Variants in ADAMTSL2 observed in about 807,000 individuals in gnomAD.
The protein encoded by ADAMTSL2 is ADAMTS-like protein 2.
Under a neutral mutation model 117.0 loss-of-function variants are expected in ADAMTSL2, and 55 were observed. The ratio of observed to expected loss-of-function variants is 0.47; its 90% CI spans 0.38 to 0.59. The LOEUF (loss-of-function observed/expected upper bound fraction) is 0.59. Among genes scored for constraint, ADAMTSL2 ranks in the 20% least tolerant of loss-of-function variants. The pLI, the probability that ADAMTSL2 is intolerant of heterozygous loss-of-function variation, is 0.00. For synonymous variants in ADAMTSL2, 572 were observed against 566.4 expected (o/e 1.01, Z -0.14); for missense variants, 1,182 against 1,354.5 (o/e 0.87, Z 2.00).
chr9:133,555,420 A>T, intron 10 of ADAMTSL2, 138 bp from the exon 11 acceptor site: 1 of 1,074,190 alleles, frequency 9.3e-7, no homozygotes, highest in Non-Finnish European at 1.4e-6. Flanking sequence ...TCCTCTAGTT[A>T]GGCAGAAGCC....
Position 133,575,146 on chromosome 9 carries a change from CCAGCCCCCCAG to C in ADAMTSL2, c.*291_*301del, listed in dbSNP as rs1358573046. The C allele has an allele frequency of 1.0e-5, 5 of 477,170 alleles. No individual in the cohort carries two copies. The highest frequency in any genetic ancestry group is 9.9e-5 in the African/African-American group (5 of 50,388). The allele number at this position is 477,170 out of a possible 1,614,324, so 29.6% of individuals were successfully genotyped here. ...ATCCTGTGTTTGTGGCTCCCACTCC[CCAGCCCCCCAG>C]CAGCCCCCAGCCGAGGGGCCCAGGG... On this transcript the variant is annotated 3_prime_UTR_variant, in exon 19 of 19. Transcript: ENST00000651351.
chr9:133,566,668 A>G (rs1173241248), intron 12 of ADAMTSL2, among the ~76,000 whole-genome samples: 1 of 145,368 alleles, frequency 6.9e-6, no homozygotes, highest in Non-Finnish European at 1.5e-5. Flanking sequence ...CAGCTGGAGC[A>G]GACTCAAAGC....
intron 4 of ADAMTSL2, among the ~76,000 whole-genome samples, chr9:133,539,558 G>T (rs998760715): frequency 7.5e-5 from 9 of 119,826 alleles, no homozygotes; most frequent in Non-Finnish European, 1.6e-4. Context: ...GGCGTGGGGG[G>T]CGGAGCTGCC....
rs1460123750 is a variant in ADAMTSL2 at position 133,555,901 on chromosome 9, C to T, written c.1620C>T (p.Thr540=). ...PFPNVSTSLL[T]SAGNRTHKAR... ...CCAACGTTAGCACCAGCCTGCTCAC[C>T]TCGGCCGGGAACAGGACTCACAAGG... Residue 540 remains threonine, a synonymous_variant, in exon 11 of 19, where the codon ACC becomes ACT. Transcript: ENST00000651351. The T allele has an allele frequency of 3.7e-6, 6 of 1,612,644 alleles. No individual in the cohort carries two copies. The Admixed American group carries it at 1.0e-4, about 27-fold the overall frequency.
rs1830588997 is a variant in ADAMTSL2, at chr9:133,555,649, C to T, written c.1368C>T (p.Asn456=). 17 of 1,613,716 alleles carry T rather than the reference C, an allele frequency of 1.1e-5. No individual in the cohort carries two copies. The highest frequency in any genetic ancestry group is 6.7e-5 in the African/African-American group (5 of 75,064). The change falls in exon 11 of 19, where the codon AAC becomes AAT. Residue 456 remains asparagine (N), a synonymous_variant. Transcript: ENST00000651351. ...HFASQEFFSA[N]AISDQLLGAG... ...CCTCCCAGGAGTTCTTCTCGGCTAACGCCATCTCTGACCAGCTGCTGGGCG... is the reference window on the plus strand; with the variant it reads ...CCTCCCAGGAGTTCTTCTCGGCTAATGCCATCTCTGACCAGCTGCTGGGCG...
chr9:133,555,538 G>A lies in ADAMTSL2; in HGVS notation c.1277-20G>A, dbSNP rs1172892503. ...AGGGCTCGGATGTGCCCACGGTTGA[G>A]CCACCTGTCTCCTCTCCAGACCGCA... On this transcript the variant is annotated intron_variant, in intron 10 of 18. Transcript: ENST00000651351. 4 of 1,612,810 alleles carry A rather than the reference G, an allele frequency of 2.5e-6. No homozygotes were observed. In the East Asian group the frequency reaches 6.7e-5, roughly 27 times the overall value.
chr9:133,574,118 C>G, intron 18 of ADAMTSL2, 131 bp downstream of exon 18: 1 of 1,265,886 alleles, frequency 7.9e-7, no homozygotes, highest in Middle Eastern at 2.6e-4. Context: ...AGAGACCAAG[C>G]TGTGCAGGGA....
chr9:133,537,668 C>A, intron 3 of ADAMTSL2, 121 bp downstream of exon 3: 1 of 1,144,070 alleles, frequency 8.7e-7, no homozygotes, highest in Non-Finnish European at 1.1e-6. Context: ...GGGTTGGGGG[C>A]AGCACAGGCT....
intron 1 of ADAMTSL2, among the ~76,000 whole-genome samples, 160 bp downstream of exon 1, chr9:133,535,077 G>T (rs974159513): frequency 6.6e-6 from 1 of 152,186 alleles, no homozygotes; most frequent in African/African-American, 2.4e-5. Context: ...GCACGGGGCA[G>T]GGTGGCCTCC....
At position 133,536,654 on chromosome 9, in the gene ADAMTSL2, T is replaced by C; in HGVS notation, c.-59T>C. 1.2e-6 allele frequency: 2 copies of C among 1,614,074 alleles called. No individual in the cohort carries two copies. Among genetic ancestry groups the C allele is most frequent in the Non-Finnish European group, 1.7e-6 (2 of 1,180,018 alleles). ...CGAGGGCTCTTCCCAAAGCGTACCC[T>C]GGTCATCTGGAAGAGGATCGGAGCT... On this transcript the variant is annotated 5_prime_UTR_variant, in exon 2 of 19. Coordinates refer to ENST00000651351, the MANE Select transcript of ADAMTSL2 (RefSeq NM_014694.4).
At position 133,554,303 on chromosome 9, in the gene ADAMTSL2, G is replaced by A; in HGVS notation, c.940-54G>A. On this transcript the variant is annotated intron_variant, in intron 9 of 18. Coordinates refer to ENST00000651351, the MANE Select transcript of ADAMTSL2 (RefSeq NM_014694.4). This position sits in a 1 kb window ranked among gnomAD's most constrained non-coding sequence, Gnocchi z 5.2. The stretch of plus-strand genomic sequence containing the variant: ...AGCTCTGTGGGAAGGGGATTGGTGG[G>A]GAAGGGGCTGGACAGAGTAAGGAGG... The A allele has an allele frequency of 6.8e-7, 1 of 1,460,422 alleles. No homozygotes were observed. 90.5% of individuals were successfully genotyped at this position (1,460,422 alleles called of 1,614,324 possible). A position where few individuals can be genotyped will look rare whatever the true frequency, so the allele number is the denominator to read the frequency against.
intron 12 of ADAMTSL2, among the ~76,000 whole-genome samples, chr9:133,565,982 C>T (rs1830963913): frequency 2.0e-5 from 3 of 152,186 alleles, no homozygotes; most frequent in Non-Finnish European, 4.4e-5. Flanking sequence ...GCCTGTGTGG[C>T]AGTTCGGTAC....
intron 13 of ADAMTSL2, among the ~76,000 whole-genome samples, 179 bp downstream of exon 13, chr9:133,567,241 G>C (rs1353385681): frequency 6.6e-6 from 1 of 152,218 alleles, no homozygotes; most frequent in African/African-American, 2.4e-5. Flanking sequence ...GTCTTCCCAG[G>C]AGTTGCAATT....
chr9:133,551,088 G>T (rs1367052249), intron 9 of ADAMTSL2, among the ~76,000 whole-genome samples: 2 of 152,164 alleles, frequency 1.3e-5, no homozygotes, highest in African/African-American at 4.8e-5. Flanking sequence ...ATCTCGGGCT[G>T]CCCTGCCTCC....
rs1830622559 is a variant in ADAMTSL2 at position 133,557,237 on chromosome 9, T to C, written c.1649+1307T>C. 6.6e-6 allele frequency among the ~76,000 whole-genome samples: 1 copy of C among 152,158 alleles called. No individual in the cohort carries two copies. The highest frequency in any genetic ancestry group is 1.5e-5 in the Non-Finnish European group (1 of 68,014). ...CTGGTGAGCCAGGAGCCCCAGGGGATGCCTGCCGCTTTTCTCAAACTGTTT... is the reference window on the plus strand; with the variant it reads ...CTGGTGAGCCAGGAGCCCCAGGGGACGCCTGCCGCTTTTCTCAAACTGTTT... On this transcript the variant is annotated intron_variant, in intron 11 of 18. Transcript: ENST00000651351. This position sits in a 1 kb window ranked among gnomAD's most constrained non-coding sequence, Gnocchi z 5.2.
At chr9:133,565,506 A>G (rs10119125) in intron 12 of ADAMTSL2, among the ~76,000 whole-genome samples, 54,921 of 152,120 alleles carry the variant, frequency 0.36, 10,687 homozygotes, top group African/African-American at 0.44. Flanking sequence ...GGAACATTCC[A>G]AGCAGACCTG....
Position 133,534,876 on chromosome 9 carries a change from C to A in ADAMTSL2, c.-192C>A. ...GGCGCCGTCTGCCCTCCGCAGCGCT[C>A]GCCCCTTTCTCTGGGAGGACAACCT... On this transcript the variant is annotated 5_prime_UTR_variant, in exon 1 of 19. Transcript: ENST00000651351. The A allele has an allele frequency of 1.4e-6, 2 of 1,469,774 alleles. No homozygotes were observed. Among genetic ancestry groups the A allele is most frequent in the South Asian group, 2.7e-5 (2 of 75,094 alleles). The allele number at this position is 1,469,774 out of a possible 1,614,324, so 91.0% of individuals were successfully genotyped here. A position where few individuals can be genotyped will look rare whatever the true frequency, so the allele number is the denominator to read the frequency against.
chr9:133,569,308 T>G, intron 15 of ADAMTSL2, 100 bp from the exon 16 acceptor site: 1 of 1,275,654 alleles, frequency 7.8e-7, no homozygotes, highest in Middle Eastern at 1.9e-4. Flanking sequence ...GCTTCGACAC[T>G]GCCTGGGAGC....
At position 133,563,859 on chromosome 9, in the gene ADAMTSL2, GA is replaced by G. The variant is rs1830818284; in HGVS notation, c.1747+2565del. On this transcript the variant is annotated intron_variant, in intron 12 of 18. Transcript: ENST00000651351. ...AGAGAGAGAGGGAGAGAGAGAGAGA[GA>G]GAGGGAGAGAGAGAGAGAGAGAGAG... Among the ~76,000 whole-genome samples, 6 of 77,696 alleles carry G rather than the reference GA, an allele frequency of 7.7e-5. 1 individual carries two copies. The highest frequency in any genetic ancestry group is 2.3e-4 in the Admixed American group (2 of 8,606). 51.0% of individuals were successfully genotyped at this position (77,696 alleles called of 152,430 possible).
Sources: allele counts gnomAD v4.1 joint callset (sites outside exome capture counted in the v4.1 genomes callset), GRCh38; gene constraint gnomAD v4.1.1; non-coding constraint Gnocchi (gnomAD v3.1); transcripts MANE v1.5; gene names NCBI Gene and HGNC (gene_info 2026-07-23, HGNC 2026-07-21).